Variants in SENP7 observed in about 807,000 individuals in gnomAD.
SENP7 encodes the protein sentrin-specific protease 7.
SENP7 carries 64 observed loss-of-function variants against 141.2 expected under a neutral mutation model. The observed-to-expected ratio is 0.45, with a 90% CI of 0.37 to 0.56. SENP7 has a LOEUF of 0.56. Ranked by LOEUF, SENP7 falls within the 20% of genes least tolerant of loss-of-function variation. The pLI is 0.00. For synonymous variants in SENP7, 382 were observed against 426.4 expected (o/e 0.90, Z 1.28); for missense variants, 1,025 against 1,212.2 (o/e 0.85, Z 2.29).
chr3:101,438,485 G>A (rs989451004), intron 4 of SENP7, among the ~76,000 whole-genome samples: 125 of 152,226 alleles, frequency 8.2e-4, no homozygotes, highest in African/African-American at 2.9e-3. Context: ...GTATTATGGA[G>A]ATTGATGATG....
chr3:101,460,459 C>T (rs2063509109), intron 3 of SENP7, among the ~76,000 whole-genome samples: 3 of 152,102 alleles, frequency 2.0e-5, no homozygotes, highest in Admixed American at 1.3e-4. Flanking sequence ...AATAAACTTT[C>T]AACAAATAGT....
intron 5 of SENP7, among the ~76,000 whole-genome samples, chr3:101,401,995 C>A: frequency 8.3e-6 from 1 of 120,214 alleles, no homozygotes. Context: ...GAATGAGACC[C>A]TGCCTCAAAA....
At chr3:101,359,628 T>A (rs1345513851) in intron 11 of SENP7, among the ~76,000 whole-genome samples, 4 of 151,726 alleles carry the variant, frequency 2.6e-5, no homozygotes, top group African/African-American at 4.8e-5. Flanking sequence ...CAATTAAAAA[T>A]TTTTAAAGAC....
chr3:101,441,907 G>C (rs1326503994), intron 4 of SENP7, among the ~76,000 whole-genome samples: 3 of 152,116 alleles, frequency 2.0e-5, no homozygotes, highest in African/African-American at 7.2e-5. Flanking sequence ...ATAAATTGCA[G>C]CATAAGACAA....
chr3:101,446,686 T>C (rs2062909673), intron 4 of SENP7, among the ~76,000 whole-genome samples: 1 of 151,928 alleles, frequency 6.6e-6, no homozygotes, highest in Admixed American at 6.6e-5. Context: ...CTGAAGAAAT[T>C]AAAAGAAAAA....
rs749075177 is a variant in SENP7, at chr3:101,351,645, T to C, written c.1630A>G (p.Lys544Glu). The C allele has an allele frequency of 3.5e-5, 47 of 1,351,562 alleles. No homozygotes were observed. The highest frequency in any genetic ancestry group is 4.4e-5 in the Non-Finnish European group (45 of 1,030,804). 83.7% of individuals were successfully genotyped at this position (1,351,562 alleles called of 1,614,324 possible). A position where few individuals can be genotyped will look rare whatever the true frequency, so the allele number is the denominator to read the frequency against. ...GASKGCVTIT[K>E]KYIKIPFQVS... Reference sequence around the variant, plus strand: ...TGAAATGGGATCTTAATATATTTTTTTGTGATCTGAAGAAAAAATTAAAAA... The same window carrying C: ...TGAAATGGGATCTTAATATATTTTTCTGTGATCTGAAGAAAAAATTAAAAA... The change falls in exon 12 of 24, where the codon AAA becomes GAA. Residue 544 changes from lysine to glutamate, a missense_variant. Lys to Glu is a moderately conservative substitution (Grantham distance 56). Coordinates refer to ENST00000394095, the MANE Select transcript of SENP7 (RefSeq NM_020654.5).
intron 3 of SENP7, among the ~76,000 whole-genome samples, chr3:101,466,939 G>C (rs1352506176): frequency 6.6e-6 from 1 of 152,202 alleles, no homozygotes; most frequent in Non-Finnish European, 1.5e-5. Context: ...GCCAAGGGAA[G>C]CTGTGACAGG....
rs35810131 is a variant in SENP7 at position 101,482,115 on chromosome 3, C to G, written c.186+11758G>C. Among the ~76,000 whole-genome samples the G allele has an allele frequency of 2.0e-5, 3 of 151,774 alleles. No homozygotes were observed. In the East Asian group the frequency reaches 5.8e-4, roughly 30 times the overall value. On this transcript the variant is annotated intron_variant, in intron 3 of 23. Transcript: ENST00000394095. ...CATGAGGTCAGGAGATCGAGACCAT[C>G]CTGGCTAACAAGGTGAAACCCTGTC...
At chr3:101,506,077 G>A (rs569742760) in intron 1 of SENP7, among the ~76,000 whole-genome samples, 56 of 143,756 alleles carry the variant, frequency 3.9e-4, no homozygotes, top group Non-Finnish European at 6.6e-4. Flanking sequence ...CTGGAGTGCA[G>A]TGGCACGATC....
chr3:101,426,865 C>A lies in SENP7; in HGVS notation c.285-9075G>T, dbSNP rs545342020. The stretch of plus-strand genomic sequence containing the variant: ...CTTGGAAGAGCTCCTGAAAGAAGCA[C>A]TAAATATGGAAAGGAAACAATGTTA... On this transcript the variant is annotated intron_variant, in intron 4 of 23. Coordinates refer to ENST00000394095, the MANE Select transcript of SENP7 (RefSeq NM_020654.5). Among the ~76,000 whole-genome samples the A allele has an allele frequency of 3.1e-4, 47 of 152,124 alleles. No individual in the cohort carries two copies. In the South Asian group the frequency reaches 9.8e-3, roughly 32 times the overall value.
intron 4 of SENP7, among the ~76,000 whole-genome samples, chr3:101,442,796 GA>G (rs1420103712): frequency 6.6e-6 from 1 of 151,132 alleles, no homozygotes; most frequent in African/African-American, 2.4e-5. Flanking sequence ...CTAAGCAGAA[GA>G]AAAAAATTCT....
intron 6 of SENP7, among the ~76,000 whole-genome samples, chr3:101,390,881 A>G (rs2060798813): frequency 6.6e-6 from 1 of 152,230 alleles, no homozygotes; most frequent in South Asian, 2.1e-4. Context: ...CTTTTTAAAA[A>G]TCAAAATCAT....
intron 3 of SENP7, among the ~76,000 whole-genome samples, chr3:101,481,836 C>T (rs1468032339): frequency 6.6e-6 from 1 of 151,978 alleles, no homozygotes; most frequent in African/African-American, 2.4e-5. Context: ...TTGCAGATGA[C>T]GTAACTGTCG....
chr3:101,378,214 C>T (rs2060392483), intron 6 of SENP7, among the ~76,000 whole-genome samples: 1 of 151,486 alleles, frequency 6.6e-6, no homozygotes, highest in Admixed American at 6.6e-5. Flanking sequence ...AAAAAAACCA[C>T]AGTTTGACAA....
intron 5 of SENP7, among the ~76,000 whole-genome samples, chr3:101,408,393 G>C (rs754148406): frequency 2.6e-5 from 4 of 151,858 alleles, no homozygotes; most frequent in African/African-American, 9.7e-5. Flanking sequence ...GACACTATTC[G>C]ACAAGATAGA....
At chr3:101,450,566 A>G (rs1438705039) in intron 4 of SENP7, among the ~76,000 whole-genome samples, 1 of 152,234 alleles carries the variant, frequency 6.6e-6, no homozygotes, top group East Asian at 1.9e-4. Context: ...AACTCACTCA[A>G]AACCACTCAA....
chr3:101,354,460 A>G (rs1036640046), intron 11 of SENP7, among the ~76,000 whole-genome samples: 4 of 152,076 alleles, frequency 2.6e-5, no homozygotes, highest in African/African-American at 7.2e-5. Flanking sequence ...CTTTGTGTCC[A>G]TGAGTTTTCA....
At chr3:101,351,538 C>T in intron 12 of SENP7, 80 bp downstream of exon 12, 1 of 1,091,238 alleles carries the variant, frequency 9.2e-7, no homozygotes, top group Non-Finnish European at 1.2e-6. Flanking sequence ...TAAGGTGAAA[C>T]ATTATTAAAC....
At chr3:101,449,427 C>T (rs890873733) in intron 4 of SENP7, among the ~76,000 whole-genome samples, 1 of 152,040 alleles carries the variant, frequency 6.6e-6, no homozygotes, top group Non-Finnish European at 1.5e-5. Context: ...TAAGATTCAC[C>T]AAAGTTGAAA....
Sources: allele counts gnomAD v4.1 joint callset (sites outside exome capture counted in the v4.1 genomes callset), GRCh38; gene constraint gnomAD v4.1.1; transcripts MANE v1.5; gene names NCBI Gene and HGNC (gene_info 2026-07-23, HGNC 2026-07-21).